DHODH: variants seen among roughly 807,000 people sequenced by gnomAD.
DHODH encodes the protein dihydroorotate dehydrogenase (quinone).
Under a neutral mutation model 39.7 loss-of-function variants are expected in DHODH, and 30 were observed. The observed-to-expected ratio is 0.76, with a 90% CI of 0.57 to 1.02. The LOEUF is 1.02. Among genes scored for constraint, DHODH ranks in the 50% least tolerant of loss-of-function variants. The probability of loss-of-function intolerance (pLI) is 0.00; values close to 1 mark genes in which losing one functional copy is unlikely to be tolerated. For missense variants in DHODH, 531 were observed against 520.8 expected (o/e 1.02, Z -0.19); for synonymous variants, 222 against 213.8 (o/e 1.04, Z -0.34).
intron 5 of DHODH, 106 bp from the exon 6 acceptor site, chr16:72,022,256 A>C: frequency 1.3e-6 from 1 of 793,684 alleles, no homozygotes. Flanking sequence ...TTTCTGCTTT[A>C]GTTTGATCGC....
Position 72,026,994 on chromosome 16 carries a change from TGTGTGTGTGTGTGTG to T in DHODH, c.*2796_*2810del, listed in dbSNP as rs1567576029. The T allele has an allele frequency of 2.8e-3, 385 of 139,924 alleles. 4 individuals carry two copies. The highest frequency in any genetic ancestry group is 4.4e-3 in the South Asian group (19 of 4,284). 8.7% of individuals were successfully genotyped at this position (139,924 alleles called of 1,614,324 possible). A position where few individuals can be genotyped will look rare whatever the true frequency, so the allele number is the denominator to read the frequency against. On this transcript the variant is annotated 3_prime_UTR_variant, in exon 9 of 9. Transcript: ENST00000219240. ...GTGTGTGTGTGTGTGTGTGTGTGTGTGTGTGTGTGTGTGTGTTTTTGAGATGGAGTCCTGCTCTGT... is the reference window on the plus strand; with the variant it reads ...GTGTGTGTGTGTGTGTGTGTGTGTGTTTTTTGAGATGGAGTCCTGCTCTGT...
In DHODH at chr16:72,012,033, T is replaced by G. The variant is rs1046026500; in HGVS notation, c.22-17T>G. On this transcript the variant is annotated splice_polypyrimidine_tract_variant and intron_variant, in intron 1 of 8. Coordinates refer to ENST00000219240, the MANE Select transcript of DHODH (RefSeq NM_001361.5). ...AGCCTGGCCTGGGGGACCCCCCTAA[T>G]ATGCTCTTTTTTGCAGAAGCGGGCC... 5.6e-6 allele frequency: 9 copies of G among 1,612,904 alleles called. No homozygotes were observed. Among genetic ancestry groups the G allele is most frequent in the Non-Finnish European group, 7.6e-6 (9 of 1,179,266 alleles).
At chr16:72,014,750 GT>G (rs1349803931) in intron 3 of DHODH, 78 bp downstream of exon 3, 22 of 1,402,028 alleles carry the variant, frequency 1.6e-5, no homozygotes, top group Middle Eastern at 2.3e-4. Flanking sequence ...ATCTGCCTCT[GT>G]TTTTTTTCTC....
At chr16:72,017,247 C>A (rs878887871) in intron 4 of DHODH, 141 bp downstream of exon 4, 2 of 857,040 alleles carry the variant, frequency 2.3e-6, no homozygotes, top group Non-Finnish European at 3.8e-6. Context: ...TCTCCTAGAG[C>A]GATTTTCCTG....
intron 2 of DHODH, among the ~76,000 whole-genome samples, chr16:72,013,058 G>A (rs143476220): frequency 6.6e-6 from 1 of 152,356 alleles, no homozygotes; most frequent in Non-Finnish European, 1.5e-5. Flanking sequence ...TCAGAATGAT[G>A]AGTGTGAAAA....
rs1336012455 is a variant in DHODH at position 72,020,335 on chromosome 16, A to G, written c.518-789A>G. Reference sequence around the variant, plus strand: ...TATGTGTATATGTATATGTGTATATATATATATATATATATATATGTGTAT... The same window carrying G: ...TATGTGTATATGTATATGTGTATATGTATATATATATATATATATGTGTAT... On this transcript the variant is annotated intron_variant, in intron 4 of 8. Coordinates refer to ENST00000219240, the MANE Select transcript of DHODH (RefSeq NM_001361.5). 79 of 117,364 alleles carry G rather than the reference A, an allele frequency of 6.7e-4. 1 individual carries two copies. The highest frequency in any genetic ancestry group is 1.2e-3 in the Non-Finnish European group (72 of 58,630). 7.3% of individuals were successfully genotyped at this position (117,364 alleles called of 1,614,324 possible).
rs759552207 is a variant in DHODH at position 72,023,344 on chromosome 16, C to T, written c.973+26C>T. Reference sequence around the variant, plus strand: ...GCAAGGTTTCCCGTGTTTGTGTCTTCAGATCTGCGTGTGGCTTGGGCTCCT... The same window carrying T: ...GCAAGGTTTCCCGTGTTTGTGTCTTTAGATCTGCGTGTGGCTTGGGCTCCT... On this transcript the variant is annotated intron_variant, in intron 7 of 8. Coordinates refer to ENST00000219240, the MANE Select transcript of DHODH (RefSeq NM_001361.5). The T allele has an allele frequency of 1.1e-5, 17 of 1,613,998 alleles. No individual in the cohort carries two copies. In the East Asian group the frequency reaches 3.6e-4, roughly 34 times the overall value.
chr16:72,010,058 T>G (rs1345634343), intron 1 of DHODH, among the ~76,000 whole-genome samples: 7 of 152,222 alleles, frequency 4.6e-5, no homozygotes, highest in Non-Finnish European at 1.5e-5. Flanking sequence ...AATGAATACT[T>G]GATCTACATG....
At position 72,012,046 on chromosome 16, in the gene DHODH, G is replaced by A; in HGVS notation, c.22-4G>A. ...GGACCCCCCTAATATGCTCTTTTTTGCAGAAGCGGGCCCAGGATGCTGTGA... is the reference window on the plus strand; with the variant it reads ...GGACCCCCCTAATATGCTCTTTTTTACAGAAGCGGGCCCAGGATGCTGTGA... On this transcript the variant is annotated splice_region_variant and splice_polypyrimidine_tract_variant and intron_variant, in intron 1 of 8. Coordinates refer to ENST00000219240, the MANE Select transcript of DHODH (RefSeq NM_001361.5). 6.2e-7 allele frequency: 1 copy of A among 1,613,164 alleles called. No individual in the cohort carries two copies.
chr16:72,008,834 G>C (rs1285641212), intron 1 of DHODH, 49 bp downstream of exon 1: 1 of 1,552,142 alleles, frequency 6.4e-7, no homozygotes. Context: ...GGACCGGGGA[G>C]GGCGAGAACG....
chr16:72,017,401 G>A (rs1450459254), intron 4 of DHODH, among the ~76,000 whole-genome samples: 1 of 152,170 alleles, frequency 6.6e-6, no homozygotes, highest in Non-Finnish European at 1.5e-5. Context: ...TGATCACACA[G>A]GCAATGAGGG....
At chr16:72,016,871 A>G (rs1276112621) in intron 3 of DHODH, 153 bp from the exon 4 acceptor site, 1 of 714,320 alleles carries the variant, frequency 1.4e-6, no homozygotes, top group African/African-American at 1.8e-5. Context: ...TGTTCTGGCA[A>G]GTTCTCTAGG....
intron 2 of DHODH, 24 bp downstream of exon 2, chr16:72,012,286 C>T (rs767063416): frequency 2.5e-6 from 4 of 1,606,878 alleles, no homozygotes; most frequent in Non-Finnish European, 3.4e-6. Context: ...ACACCCTATA[C>T]ATTAAATACA....
chr16:72,020,671 CAT>C (rs955662585), intron 4 of DHODH, among the ~76,000 whole-genome samples: 1 of 151,982 alleles, frequency 6.6e-6, no homozygotes, highest in Non-Finnish European at 1.5e-5. Flanking sequence ...GTATTTTATA[CAT>C]GTTCTTTCAT....
intron 6 of DHODH, 91 bp from the exon 7 acceptor site, chr16:72,023,074 C>T: frequency 7.3e-7 from 1 of 1,368,654 alleles, no homozygotes; most frequent in Non-Finnish European, 1.0e-6. Context: ...GTGTGGGTAC[C>T]TGGCCCGGCT....
At chr16:72,015,701 C>T (rs1447111752) in intron 3 of DHODH, 33 of 985,282 alleles carry the variant, frequency 3.3e-5, no homozygotes, top group Non-Finnish European at 3.9e-5. Context: ...TCAATATCTT[C>T]AGAATTGGCC....
intron 4 of DHODH, among the ~76,000 whole-genome samples, chr16:72,020,911 G>A (rs2041205911): frequency 6.6e-6 from 1 of 152,216 alleles, no homozygotes; most frequent in African/African-American, 2.4e-5. Context: ...CATCCTCGTA[G>A]CTGCCCAGAC....
chr16:72,016,046 C>A, intron 3 of DHODH: 1 of 208,184 alleles, frequency 4.8e-6, no homozygotes, highest in Non-Finnish European at 8.4e-6. Flanking sequence ...AGCACCAGGG[C>A]AGTGTTGAGA....
intron 4 of DHODH, among the ~76,000 whole-genome samples, chr16:72,019,779 T>TCC (rs2041182619): frequency 6.6e-6 from 1 of 151,832 alleles, no homozygotes; most frequent in Non-Finnish European, 1.5e-5. Flanking sequence ...TGAGGGAGAG[T>TCC]CCCTTTCCTC....
Sources: allele counts gnomAD v4.1 joint callset (sites outside exome capture counted in the v4.1 genomes callset), GRCh38; gene constraint gnomAD v4.1.1; transcripts MANE v1.5; gene names NCBI Gene and HGNC (gene_info 2026-07-23, HGNC 2026-07-21).